Variants in SPEG observed in about 807,000 individuals in gnomAD.
SPEG encodes the protein striated muscle enriched protein kinase.
Under a neutral mutation model 300.4 loss-of-function variants are expected in SPEG, and 114 were observed. The observed-to-expected ratio is 0.38, with a 90% CI of 0.33 to 0.44. The LOEUF is 0.44. Among genes scored for constraint, SPEG ranks in the 20% least tolerant of loss-of-function variants. The pLI, the probability that SPEG is intolerant of heterozygous loss-of-function variation, is 1.00. For synonymous variants in SPEG, 1,964 were observed against 2,018.9 expected, an observed-to-expected ratio of 0.97 and a Z score of 0.73; for missense variants, 4,201 against 4,586.2, an observed-to-expected ratio of 0.92 and a Z score of 2.43.
At chr2:219,490,323 T>C in intron 36 of SPEG, 86 bp from the exon 37 acceptor site, 1 of 1,518,702 alleles carries the variant, frequency 6.6e-7, no homozygotes, top group Non-Finnish European at 8.9e-7. Context: ...CCCCTAGGGG[T>C]CCCTGCTCTC....
At chr2:219,466,085 T>C (rs760098216) in intron 9 of SPEG, 3 of 1,593,024 alleles carry the variant, frequency 1.9e-6, no homozygotes, top group East Asian at 2.3e-5. Context: ...CCACCTGTGC[T>C]CCCCCCGCTA....
intron 6 of SPEG, among the ~76,000 whole-genome samples, chr2:219,453,585 C>G (rs1389282893): frequency 6.6e-6 from 1 of 152,228 alleles, no homozygotes; most frequent in Non-Finnish European, 1.5e-5. Flanking sequence ...CTGTATTTCC[C>G]AGCCCCTGTG....
In SPEG at chr2:219,473,885, G is replaced by A. The variant is rs1291786084; in HGVS notation, c.4429G>A (p.Val1477Ile). The change falls in exon 18 of 41, where the codon GTC (valine) becomes ATC (isoleucine). Residue 1477 changes from valine to isoleucine, a missense_variant. Physicochemically the swap from Val to Ile is conservative, Grantham distance 29 (BLOSUM62 3). Transcript: ENST00000312358. The surrounding 1 kb of genome is among the most constrained non-coding windows in gnomAD (Gnocchi z 4.6). ...RNRHGTQTCS[V>I]TLELAEAPRF... ...CCGTCACGGCACACAGACCTGCTCG[G>A]TCACATTGGAGCTGGCAGGTGGGTG... The A allele has an allele frequency of 1.9e-6, 3 of 1,611,272 alleles. No individual in the cohort carries two copies. Among genetic ancestry groups the A allele is most frequent in the Non-Finnish European group, 2.5e-6 (3 of 1,178,828 alleles).
chr2:219,444,661 A>G lies in SPEG; in HGVS notation c.397A>G (p.Thr133Ala), dbSNP rs752548049. The stretch of plus-strand genomic sequence containing the variant: ...GACCCCTTCTTCTCCAGACTCAGAG[A>G]CGGCTGAGGATGACATCAGCGATGT... ...LTVLEVGDSE[T>A]AEDDISDVQG... The change falls in exon 2 of 41, where the codon ACG becomes GCG. Residue 133 changes from threonine to alanine, a missense_variant. This residue lies in a region of SPEG where 1,258 missense variants were observed against 1,293.9 expected (regional missense o/e 0.97). Coordinates refer to ENST00000312358, the MANE Select transcript of SPEG (RefSeq NM_005876.5). The surrounding 1 kb of genome is among the most constrained non-coding windows in gnomAD (Gnocchi z 7.8). The G allele has an allele frequency of 6.2e-7, 1 of 1,613,930 alleles. No individual in the cohort carries two copies. Among genetic ancestry groups the G allele is most frequent in the South Asian group, 1.1e-5 (1 of 91,074 alleles).
chr2:219,468,384 C>T lies in SPEG; in HGVS notation c.3143-194C>T, dbSNP rs188916797. On this transcript the variant is annotated intron_variant, in intron 10 of 40. Coordinates refer to ENST00000312358, the MANE Select transcript of SPEG (RefSeq NM_005876.5). ...CCAGCCCACCATGGCAGTCTGCACC[C>T]ACCCTTGCTGACCTCCACCCTCTCG... Among the ~76,000 whole-genome samples the T allele has an allele frequency of 1.4e-3, 217 of 152,288 alleles. 1 individual carries two copies. Among genetic ancestry groups the T allele is most frequent in the Middle Eastern group, 0.01 (3 of 294 alleles).
Position 219,443,472 on chromosome 2 carries a change from A to C in SPEG, c.389-1181A>C. The C allele has an allele frequency of 2.4e-6, 1 of 414,706 alleles. No homozygotes were observed. Among genetic ancestry groups the C allele is most frequent in the Non-Finnish European group, 4.4e-6 (1 of 227,008 alleles). 25.7% of individuals were successfully genotyped at this position (414,706 alleles called of 1,614,324 possible). A position where few individuals can be genotyped will look rare whatever the true frequency, so the allele number is the denominator to read the frequency against. On this transcript the variant is annotated intron_variant, in intron 1 of 40. Transcript: ENST00000312358. This position sits in a 1 kb window ranked among gnomAD's most constrained non-coding sequence, Gnocchi z 4.6. The stretch of plus-strand genomic sequence containing the variant: ...GGCTCCTGCTTGTCATGGCAGCCAG[A>C]GGGAAACTGAGGCACAGAACCTGCT...
At position 219,464,558 on chromosome 2, in the gene SPEG, C is replaced by A; in HGVS notation, c.2831C>A (p.Ala944Glu). 1 of 1,614,248 alleles carries A rather than the reference C, an allele frequency of 6.2e-7. No homozygotes were observed. The highest frequency in any genetic ancestry group is 8.5e-7 in the Non-Finnish European group (1 of 1,180,042). Residue 944 changes from alanine (A) to glutamate (E), a missense_variant, in exon 9 of 41, where the codon GCG becomes GAG. Ala to Glu is a moderately radical substitution (Grantham distance 107). Coordinates refer to ENST00000312358, the MANE Select transcript of SPEG (RefSeq NM_005876.5). This position sits in a 1 kb window ranked among gnomAD's most constrained non-coding sequence, Gnocchi z 4.5. ...GATGCTGGTTTCTACACTTGCAAAGCGGTCAATGAGTATGGTGCTCGGCAG... is the reference window on the plus strand; with the variant it reads ...GATGCTGGTTTCTACACTTGCAAAGAGGTCAATGAGTATGGTGCTCGGCAG... ...RGDAGFYTCK[A>E]VNEYGARQCE...
chr2:219,483,658 G>A lies in SPEG; in HGVS notation c.6195G>A (p.Gln2065=). 2.0e-6 allele frequency: 3 copies of A among 1,532,728 alleles called. No homozygotes were observed. The allele number at this position is 1,532,728 out of a possible 1,614,324, so 94.9% of individuals were successfully genotyped here. A position where few individuals can be genotyped will look rare whatever the true frequency, so the allele number is the denominator to read the frequency against. Residue 2065 remains glutamine, a synonymous_variant, in exon 30 of 41, where the codon CAG becomes CAA. Coordinates refer to ENST00000312358, the MANE Select transcript of SPEG (RefSeq NM_005876.5). ...RGGLGEGEYA[Q]RLQALRQRLL... ...GCCTGGGTGAGGGCGAGTATGCCCA[G>A]AGGCTGCAGGCCCTGCGCCAGCGGC...
intron 3 of SPEG, among the ~76,000 whole-genome samples, chr2:219,446,605 G>A (rs1463551638): frequency 2.0e-5 from 3 of 152,024 alleles, no homozygotes; most frequent in African/African-American, 4.8e-5. Context: ...TCCTTAACTC[G>A]GGACCCCTAG....
chr2:219,483,312 T>A lies in SPEG; in HGVS notation c.5849T>A (p.Leu1950His), dbSNP rs1693041619. Residue 1950 changes from leucine to histidine, a missense_variant, in exon 30 of 41, where the codon CTC (leucine) becomes CAC (histidine). This residue lies in a region of SPEG where 1,578 missense variants were observed against 1,506.0 expected (regional missense o/e 1.05). Coordinates refer to ENST00000312358, the MANE Select transcript of SPEG (RefSeq NM_005876.5). Reference protein sequence around the residue: ...QPEFSGSRVSLTDIPTEDEAL... With the variant: ...QPEFSGSRVSHTDIPTEDEAL... ...GAGTTCTCTGGCTCCCGGGTGTCCC[T>A]CACAGACATTCCCACTGAGGATGAG... is the stretch of plus-strand genomic sequence containing the variant. 2.5e-6 allele frequency: 4 copies of A among 1,606,272 alleles called. No individual in the cohort carries two copies. The highest frequency in any genetic ancestry group is 3.4e-6 in the Non-Finnish European group (4 of 1,176,474).
At position 219,479,648 on chromosome 2, in the gene SPEG, C is replaced by G; in HGVS notation, c.5086-135C>G. Reference sequence around the variant, plus strand: ...ATGGTAGCCTTGGATCTTTGCAACCCCAAACCTGTTTCAGCCCCTTCCACG... The same window carrying G: ...ATGGTAGCCTTGGATCTTTGCAACCGCAAACCTGTTTCAGCCCCTTCCACG... On this transcript the variant is annotated intron_variant, in intron 23 of 40. Coordinates refer to ENST00000312358, the MANE Select transcript of SPEG (RefSeq NM_005876.5). The surrounding 1 kb of genome is among the most constrained non-coding windows in gnomAD (Gnocchi z 5.5). The G allele has an allele frequency of 1.3e-6, 1 of 773,774 alleles. No individual in the cohort carries two copies. The highest frequency in any genetic ancestry group is 2.5e-5 in the East Asian group (1 of 39,354). The allele number at this position is 773,774 out of a possible 1,614,324, so 47.9% of individuals were successfully genotyped here. A position where few individuals can be genotyped will look rare whatever the true frequency, so the allele number is the denominator to read the frequency against.
Position 219,445,533 on chromosome 2 carries a change from G to A in SPEG, c.815+372G>A. ...CCCGGGGGCCCCCTTGGTGCCTGCT[G>A]TCTCAGCAGCTGCTGCCTTTTCATC... On this transcript the variant is annotated intron_variant, in intron 3 of 40. Coordinates refer to ENST00000312358, the MANE Select transcript of SPEG (RefSeq NM_005876.5). This position sits in a 1 kb window ranked among gnomAD's most constrained non-coding sequence, Gnocchi z 6.1. 3.0e-6 allele frequency: 1 copy of A among 335,772 alleles called. No homozygotes were observed. The highest frequency in any genetic ancestry group is 5.5e-6 in the Non-Finnish European group (1 of 180,210). 20.8% of individuals were successfully genotyped at this position (335,772 alleles called of 1,614,324 possible). A position where few individuals can be genotyped will look rare whatever the true frequency, so the allele number is the denominator to read the frequency against.
Position 219,467,305 on chromosome 2 carries a change from G to A in SPEG, c.3013G>A (p.Gly1005Ser). Reference sequence around the variant, plus strand: ...CGTGGAGGTGGATTGGCTGTGCCGTGGCCGCCTGCTGCAGCCTGCACTGCT... The same window carrying A: ...CGTGGAGGTGGATTGGCTGTGCCGTAGCCGCCTGCTGCAGCCTGCACTGCT... ...TDVEVDWLCR[G>S]RLLQPALLKC... Residue 1005 changes from glycine (G) to serine (S), a missense_variant, in exon 10 of 41, where the codon GGC (glycine) becomes AGC (serine). By Grantham distance (56) the Gly-to-Ser change is moderately conservative (BLOSUM62 0). Around this residue, in one of 4 missense-constraint regions of SPEG, gnomAD observed 1,047 missense variants for 1,356.8 expected, o/e 0.77. Transcript: ENST00000312358. The A allele has an allele frequency of 6.2e-7, 1 of 1,610,872 alleles. No homozygotes were observed. Among genetic ancestry groups the A allele is most frequent in the Non-Finnish European group, 8.5e-7 (1 of 1,179,868 alleles).
At position 219,477,200 on chromosome 2, in the gene SPEG, AGAGTAGGAGAT is replaced by A; in HGVS notation, c.4561-73_4561-63del. On this transcript the variant is annotated intron_variant, in intron 19 of 40. Coordinates refer to ENST00000312358, the MANE Select transcript of SPEG (RefSeq NM_005876.5). The surrounding 1 kb of genome is among the most constrained non-coding windows in gnomAD (Gnocchi z 6.4). ...GGTCCTGGTGAGAGATGCGCTGCCC[AGAGTAGGAGAT>A]GAGGCCCTGGCCCCAAGGTAGAGAT... 1 of 228,888 alleles carries A rather than the reference AGAGTAGGAGAT, an allele frequency of 4.4e-6. No individual in the cohort carries two copies. The highest frequency in any genetic ancestry group is 8.6e-6 in the Non-Finnish European group (1 of 116,872). The allele number at this position is 228,888 out of a possible 1,614,324, so 14.2% of individuals were successfully genotyped here.
chr2:219,490,987 G>A (rs2125600398), intron 38 of SPEG, 31 bp downstream of exon 38: 1 of 1,575,262 alleles, frequency 6.3e-7, no homozygotes, highest in South Asian at 1.1e-5. Flanking sequence ...CCAGGGTGGG[G>A]ACAGGGCCCT....
chr2:219,461,417 T>C (rs1308427322), intron 6 of SPEG: 42 of 1,016,556 alleles, frequency 4.1e-5, no homozygotes, highest in Non-Finnish European at 4.7e-5. Context: ...CTGCGGTGTG[T>C]GTTCCTCTGC....
At chr2:219,485,138 G>T in intron 30 of SPEG, 66 bp downstream of exon 30, 1 of 1,519,402 alleles carries the variant, frequency 6.6e-7, no homozygotes, top group Non-Finnish European at 8.8e-7. Flanking sequence ...GAGAGGCTGT[G>T]GGAGGAGCAG....
intron 8 of SPEG, among the ~76,000 whole-genome samples, chr2:219,463,212 A>G (rs941015339): frequency 2.6e-5 from 4 of 150,948 alleles, no homozygotes; most frequent in African/African-American, 9.7e-5. Flanking sequence ...CTATTGCTGA[A>G]AAAAAAAAGA....
Position 219,493,088 on chromosome 2 carries a change from G to C in SPEG, c.*302G>C, listed in dbSNP as rs1257999253. 1 of 634,340 alleles carries C rather than the reference G, an allele frequency of 1.6e-6. No individual in the cohort carries two copies. Among genetic ancestry groups the C allele is most frequent in the Non-Finnish European group, 2.9e-6 (1 of 342,460 alleles). The allele number at this position is 634,340 out of a possible 1,614,324, so 39.3% of individuals were successfully genotyped here. A position where few individuals can be genotyped will look rare whatever the true frequency, so the allele number is the denominator to read the frequency against. On this transcript the variant is annotated 3_prime_UTR_variant, in exon 41 of 41. Transcript: ENST00000312358. ...AGGAAAAGGAATCGAGGGACAGGAA[G>C]GGGGAGGCTCTAGGAAGGTTCTGGG...
Sources: gnomAD v4.1 joint callset for allele counts (sites outside exome capture counted in the v4.1 genomes callset) on GRCh38, gnomAD v4.1.1 for gene constraint, gnomAD v4.1.1 regional missense constraint, Gnocchi (gnomAD v3.1) non-coding constraint, MANE v1.5 for transcripts, NCBI Gene and HGNC (gene_info 2026-07-23, HGNC 2026-07-21) for gene names.